ARHGAP26: variants seen among roughly 807,000 people sequenced by gnomAD.
The protein encoded by ARHGAP26 is Rho GTPase activating protein 26, also known as rho GTPase-activating protein 26.
Under a neutral mutation model 104.8 loss-of-function variants are expected in ARHGAP26, and 38 were observed. That is an observed-to-expected ratio of 0.36 (90% CI 0.28 to 0.48). The LOEUF is 0.48. ARHGAP26 is among the 20% of genes least tolerant of loss of function. The probability of loss-of-function intolerance (pLI) is 0.99; values close to 1 mark genes in which losing one functional copy is unlikely to be tolerated. For missense variants in ARHGAP26, 704 were observed against 947.9 expected (o/e 0.74, Z 3.38); for synonymous variants, 341 against 340.0 (o/e 1.00, Z -0.03).
chr5:143,027,355 T>C (rs917209879), intron 12 of ARHGAP26, among the ~76,000 whole-genome samples: 14 of 151,096 alleles, frequency 9.3e-5, no homozygotes, highest in African/African-American at 3.2e-4. Context: ...TTTCTTTTTT[T>C]TTTTTTTTAG....
intron 1 of ARHGAP26, among the ~76,000 whole-genome samples, chr5:142,797,258 C>T (rs1761168782): frequency 6.6e-6 from 1 of 152,172 alleles, no homozygotes; most frequent in Non-Finnish European, 1.5e-5. Flanking sequence ...AAAGCTAGGA[C>T]ACTTAATGAT....
chr5:143,048,010 C>G (rs1467840114), intron 14 of ARHGAP26, among the ~76,000 whole-genome samples: 1 of 151,888 alleles, frequency 6.6e-6, no homozygotes, highest in Non-Finnish European at 1.5e-5. Context: ...CCACACCAGG[C>G]TAACTTTTGT....
At chr5:143,137,546 C>T (rs539646002) in intron 19 of ARHGAP26, among the ~76,000 whole-genome samples, 7 of 152,352 alleles carry the variant, frequency 4.6e-5, no homozygotes, top group Admixed American at 2.0e-4. Context: ...CATGCACATG[C>T]GCACTCCCGC....
In ARHGAP26 at chr5:142,913,290, A is replaced by G. The variant is rs529657821; in HGVS notation, c.1025A>G (p.Asp342Gly). ...TTTTGCTTTGATGTGGAAGCAGTAG[A>G]CAGGTGAGTAGCTAGCATGCTTTTC... is the stretch of plus-strand genomic sequence containing the variant. ...KRFCFDVEAV[D>G]RPGVITMQAL... Residue 342 changes from aspartate to glycine, a missense_variant, in exon 10 of 23, where the codon GAC becomes GGC. Asp to Gly is a moderately conservative substitution (Grantham distance 94). Transcript: ENST00000645722. The G allele has an allele frequency of 4.3e-6, 7 of 1,613,840 alleles. No homozygotes were observed. In the African/African-American group the frequency reaches 6.7e-5, roughly 15 times the overall value.
chr5:142,815,934 A>G (rs1303397857), intron 1 of ARHGAP26, among the ~76,000 whole-genome samples: 1 of 150,632 alleles, frequency 6.6e-6, no homozygotes, highest in Non-Finnish European at 1.5e-5. Context: ...AGCTGGGACC[A>G]CAGACATGCA....
chr5:143,147,389 T>C lies in ARHGAP26; in HGVS notation c.1988+8T>C, dbSNP rs1196854191. On this transcript the variant is annotated splice_region_variant and intron_variant, in intron 20 of 22. Transcript: ENST00000645722. ...CACCCGGCCCAACTCACTGTAAGTATGATGTCCAGCTGCCTACCCCACAAG... is the reference window on the plus strand; with the variant it reads ...CACCCGGCCCAACTCACTGTAAGTACGATGTCCAGCTGCCTACCCCACAAG... 1 of 1,611,238 alleles carries C rather than the reference T, an allele frequency of 6.2e-7. No homozygotes were observed. The highest frequency in any genetic ancestry group is 1.7e-5 in the Admixed American group (1 of 59,594).
intron 11 of ARHGAP26, among the ~76,000 whole-genome samples, chr5:142,963,727 A>G (rs1404930737): frequency 6.6e-6 from 1 of 152,110 alleles, no homozygotes; most frequent in African/African-American, 2.4e-5. Flanking sequence ...AACCTCTAGA[A>G]CCTTCTATCA....
Position 142,833,039 on chromosome 5 carries a change from C to T in ARHGAP26, c.155-40361C>T, listed in dbSNP as rs111379266. Among the ~76,000 whole-genome samples the T allele has an allele frequency of 7.1e-3, 1,081 of 151,880 alleles. 15 individuals are homozygous for T. The highest frequency in any genetic ancestry group is 0.025 in the African/African-American group (1,033 of 41,452). ...GGATGAAATACACTCATAATCTTAC[C>T]ACAGAGAACTTTTATTTCTTTTTTT... On this transcript the variant is annotated intron_variant, in intron 1 of 22. Coordinates refer to ENST00000645722, the MANE Select transcript of ARHGAP26 (RefSeq NM_001135608.3).
intron 4 of ARHGAP26, among the ~76,000 whole-genome samples, chr5:142,884,632 T>C (rs1215078560): frequency 2.6e-5 from 4 of 152,248 alleles, no homozygotes; most frequent in African/African-American, 9.6e-5. Context: ...TTATTGGATG[T>C]TCCGTACTTT....
At chr5:142,833,761 A>G (rs1394427892) in intron 1 of ARHGAP26, among the ~76,000 whole-genome samples, 1 of 152,206 alleles carries the variant, frequency 6.6e-6, no homozygotes, top group South Asian at 2.1e-4. Flanking sequence ...ACCCCTACAG[A>G]GTCTGTGTAA....
chr5:142,861,247 G>T (rs1320349834), intron 1 of ARHGAP26, among the ~76,000 whole-genome samples: 1 of 152,126 alleles, frequency 6.6e-6, no homozygotes, highest in Non-Finnish European at 1.5e-5. Flanking sequence ...AGCCTCCCCT[G>T]AGGTATAGCA....
chr5:142,885,461 G>A (rs1757570863), intron 5 of ARHGAP26, 62 bp downstream of exon 5: 1 of 1,445,158 alleles, frequency 6.9e-7, no homozygotes, highest in Non-Finnish European at 9.6e-7. Flanking sequence ...CTGTGGATAT[G>A]TGCTGGTTGC....
intron 11 of ARHGAP26, among the ~76,000 whole-genome samples, chr5:142,955,095 T>TACACACACACACACAC (rs11419144): frequency 3.8e-5 from 2 of 52,622 alleles, no homozygotes; most frequent in East Asian, 0.01. Context: ...GAGACCTGTC[T>TACACACACACACACAC]ACACACACAC....
chr5:142,949,736 T>C (rs966225887), intron 11 of ARHGAP26, among the ~76,000 whole-genome samples: 6 of 152,110 alleles, frequency 3.9e-5, no homozygotes, highest in Non-Finnish European at 5.9e-5. Flanking sequence ...ATGAGCCAAC[T>C]AATTTGGTGA....
chr5:143,146,514 T>G (rs909540296), intron 19 of ARHGAP26, among the ~76,000 whole-genome samples: 3 of 152,246 alleles, frequency 2.0e-5, no homozygotes, highest in African/African-American at 7.2e-5. Flanking sequence ...TTCTGTCTCT[T>G]GGCTTGGCAG....
intron 20 of ARHGAP26, among the ~76,000 whole-genome samples, chr5:143,148,313 T>G (rs548895804): frequency 6.6e-6 from 1 of 152,310 alleles, no homozygotes; most frequent in South Asian, 2.1e-4. Flanking sequence ...CTCCTCCACA[T>G]GCCATAGTTT....
At chr5:142,951,329 G>A (rs1359034721) in intron 11 of ARHGAP26, among the ~76,000 whole-genome samples, 3 of 152,134 alleles carry the variant, frequency 2.0e-5, no homozygotes, top group African/African-American at 7.2e-5. Context: ...CAAAGTGCTG[G>A]GATTACAGGC....
chr5:143,191,067 C>A (rs1805857185), intron 20 of ARHGAP26, among the ~76,000 whole-genome samples: 1 of 152,136 alleles, frequency 6.6e-6, no homozygotes, highest in South Asian at 2.1e-4. Context: ...GCAGGAAGGA[C>A]CTTTTTGGGG....
At chr5:143,178,280 G>A (rs372238384) in intron 20 of ARHGAP26, among the ~76,000 whole-genome samples, 8 of 152,020 alleles carry the variant, frequency 5.3e-5, no homozygotes, top group South Asian at 2.1e-4. Flanking sequence ...GATTACAGGC[G>A]TGAGCCACCG....
Sources: gnomAD v4.1 joint callset for allele counts (sites outside exome capture counted in the v4.1 genomes callset) on GRCh38, gnomAD v4.1.1 for gene constraint, MANE v1.5 for transcripts, NCBI Gene and HGNC (gene_info 2026-07-23, HGNC 2026-07-21) for gene names.